Variants in APPL2 observed in about 807,000 individuals in gnomAD.
The protein encoded by APPL2 is DCC-interacting protein 13-beta.
Under a neutral mutation model 92.7 loss-of-function variants are expected in APPL2, and 84 were observed. The observed-to-expected ratio is 0.91, with a 90% CI of 0.76 to 1.09. APPL2 has a LOEUF of 1.09. Among genes scored for constraint, APPL2 ranks in the 50% least tolerant of loss-of-function variants. The pLI, the probability that APPL2 is intolerant of heterozygous loss-of-function variation, is 0.00. For synonymous variants in APPL2, 291 were observed against 291.0 expected (o/e 1.00, Z 0.00); for missense variants, 736 against 824.5 (o/e 0.89, Z 1.31).
chr12:105,180,247 T>G (rs1446935120), intron 17 of APPL2, among the ~76,000 whole-genome samples: 2 of 152,182 alleles, frequency 1.3e-5, no homozygotes, highest in Non-Finnish European at 2.9e-5. Context: ...TTTCCTCATT[T>G]CTTGTTTTTG....
At chr12:105,208,064 G>A in intron 6 of APPL2, 35 bp from the exon 7 acceptor site, 1 of 1,613,724 alleles carries the variant, frequency 6.2e-7, no homozygotes, top group Middle Eastern at 1.7e-4. Context: ...ACCCAGGAGG[G>A]TCAGGGTCGA....
At chr12:105,233,934 A>C (rs760354410) in intron 1 of APPL2, among the ~76,000 whole-genome samples, 11 of 152,234 alleles carry the variant, frequency 7.2e-5, no homozygotes, top group Non-Finnish European at 1.3e-4. Context: ...CATAAAATGA[A>C]GGGGATGGAT....
chr12:105,187,743 C>T (rs193209748), intron 17 of APPL2, among the ~76,000 whole-genome samples: 258 of 152,160 alleles, frequency 1.7e-3, no homozygotes, highest in African/African-American at 6.0e-3. Flanking sequence ...ACACTGAAAA[C>T]ACATCTCAGT....
At chr12:105,176,734 TC>T in intron 19 of APPL2, 141 bp downstream of exon 19, 1 of 1,095,420 alleles carries the variant, frequency 9.1e-7, no homozygotes, top group Non-Finnish European at 1.3e-6. Context: ...AGTGAGGCCT[TC>T]TTAGGAGGTA....
intron 17 of APPL2, among the ~76,000 whole-genome samples, chr12:105,187,601 T>C (rs1432930095): frequency 6.6e-6 from 1 of 152,208 alleles, no homozygotes; most frequent in Non-Finnish European, 1.5e-5. Flanking sequence ...GCGGCCACAT[T>C]AAGTGAAAAG....
intron 17 of APPL2, among the ~76,000 whole-genome samples, chr12:105,184,931 C>T (rs1055180836): frequency 4.3e-4 from 65 of 152,326 alleles, no homozygotes; most frequent in African/African-American, 1.5e-3. Flanking sequence ...GGGGCTGCTA[C>T]CTTTCTTTCA....
rs762712188 is a variant in APPL2 at position 105,188,336 on chromosome 12, C to G, written c.1571G>C (p.Arg524Pro). ...YEAMRQVLAA[R>P]AIHNIFRMTE... ...CATGCGGAAGATGTTATGAATAGCCCGAGCAGCCAATACTTGTCTCATCGC... is the reference window on the plus strand; with the variant it reads ...CATGCGGAAGATGTTATGAATAGCCGGAGCAGCCAATACTTGTCTCATCGC... Residue 524 changes from arginine to proline, a missense_variant, in exon 17 of 21, where the codon CGG (arginine) becomes CCG (proline). Coordinates refer to ENST00000258530, the MANE Select transcript of APPL2 (RefSeq NM_018171.5). 2.5e-6 allele frequency: 4 copies of G among 1,614,144 alleles called. No individual in the cohort carries two copies. The Middle Eastern group carries it at 4.9e-4, about 200-fold the overall frequency.
intron 17 of APPL2, among the ~76,000 whole-genome samples, chr12:105,187,955 G>A (rs1427451895): frequency 6.7e-6 from 1 of 150,298 alleles, no homozygotes; most frequent in East Asian, 1.9e-4. Flanking sequence ...TTTATAAATA[G>A]TACTCTCAGA....
intron 8 of APPL2, among the ~76,000 whole-genome samples, chr12:105,206,401 G>A (rs1261089686): frequency 6.6e-6 from 1 of 152,126 alleles, no homozygotes; most frequent in Admixed American, 6.5e-5. Context: ...TGGGGCAAAC[G>A]CAGGATGGGG....
intron 20 of APPL2, among the ~76,000 whole-genome samples, chr12:105,174,958 A>G (rs148096398): frequency 7.6e-4 from 114 of 149,824 alleles, no homozygotes; most frequent in African/African-American, 2.8e-3. Flanking sequence ...ATCTCAGCTC[A>G]CTGCAACCTT....
At chr12:105,220,246 T>C (rs530453481) in intron 2 of APPL2, among the ~76,000 whole-genome samples, 3 of 152,306 alleles carry the variant, frequency 2.0e-5, no homozygotes, top group Admixed American at 6.5e-5. Flanking sequence ...GTGGGCAAAC[T>C]TTTTCTGTAA....
intron 4 of APPL2, among the ~76,000 whole-genome samples, chr12:105,214,603 T>TAA (rs1566087663): frequency 6.6e-6 from 1 of 152,262 alleles, no homozygotes; most frequent in Non-Finnish European, 1.5e-5. Flanking sequence ...GGCATAGAGC[T>TAA]CTGAAAACCC....
At chr12:105,233,013 A>G in intron 1 of APPL2, 1 of 860,920 alleles carries the variant, frequency 1.2e-6, no homozygotes, top group Non-Finnish European at 1.4e-6. Context: ...TGCCAATCGC[A>G]AAAGAAACAA....
intron 2 of APPL2, among the ~76,000 whole-genome samples, chr12:105,219,053 G>A (rs187823610): frequency 6.6e-6 from 1 of 152,330 alleles, no homozygotes; most frequent in Non-Finnish European, 1.5e-5. Context: ...TTATTCCTAA[G>A]GAGCAGAGCC....
At chr12:105,202,368 A>T (rs1888287412) in intron 9 of APPL2, among the ~76,000 whole-genome samples, 1 of 152,212 alleles carries the variant, frequency 6.6e-6, no homozygotes, top group African/African-American at 2.4e-5. Context: ...AGAAGGGAAG[A>T]CAGAGGCTCT....
At chr12:105,200,856 G>GTATCTATCTATC (rs1477359277) in intron 9 of APPL2, among the ~76,000 whole-genome samples, 4 of 111,782 alleles carry the variant, frequency 3.6e-5, no homozygotes, top group African/African-American at 1.1e-4. Flanking sequence ...ATGTATGTAT[G>GTATCTATCTATC]TATGTATGTA....
chr12:105,216,959 A>T, intron 4 of APPL2, 110 bp downstream of exon 4: 2 of 702,886 alleles, frequency 2.8e-6, no homozygotes, highest in South Asian at 3.9e-5. Context: ...AAGTTGAGAT[A>T]CCTTCTCAGA....
chr12:105,195,752 G>A (rs1236037797), intron 11 of APPL2, 125 bp from the exon 12 acceptor site: 3 of 1,084,100 alleles, frequency 2.8e-6, no homozygotes, highest in Non-Finnish European at 4.1e-6. Flanking sequence ...ATGATGAGAG[G>A]GAAAGAAAAT....
chr12:105,197,612 G>A (rs1264558458), intron 11 of APPL2, among the ~76,000 whole-genome samples, 153 bp downstream of exon 11: 1 of 152,230 alleles, frequency 6.6e-6, no homozygotes, highest in Non-Finnish European at 1.5e-5. Flanking sequence ...CTTGTTTAAA[G>A]AGAGCAGAAA....
Sources: allele counts gnomAD v4.1 joint callset (sites outside exome capture counted in the v4.1 genomes callset), GRCh38; gene constraint gnomAD v4.1.1; transcripts MANE v1.5; gene names NCBI Gene and HGNC (gene_info 2026-07-23, HGNC 2026-07-21).